TCERG1L: variants seen among roughly 807,000 people sequenced by gnomAD.
TCERG1L encodes the protein transcription elongation regulator 1-like protein.
Under a neutral mutation model 56.3 loss-of-function variants are expected in TCERG1L, and 37 were observed. The ratio of observed to expected loss-of-function variants is 0.66; its 90% confidence interval spans 0.51 to 0.87. The LOEUF is 0.87. TCERG1L is among the 40% of genes least tolerant of loss of function. The pLI, the probability that TCERG1L is intolerant of heterozygous loss-of-function variation, is 0.00. For synonymous variants in TCERG1L, 324 were observed against 326.3 expected (o/e 0.99, Z 0.08); for missense variants, 799 against 774.2 (o/e 1.03, Z -0.38).
chr10:131,100,731 T>A (rs1270158599), intron 10 of TCERG1L, among the ~76,000 whole-genome samples: 1 of 152,234 alleles, frequency 6.6e-6, no homozygotes, highest in Non-Finnish European at 1.5e-5. Context: ...GGGCCTTAGC[T>A]TTCCCCATGA....
chr10:131,201,232 C>T lies in TCERG1L; in HGVS notation c.857-34347G>A, dbSNP rs1191178731. ...GGAAAGTGAGCCCCCAAAACACATC[C>T]CACTAAACTCAAACTAAATGAAGCA... On this transcript the variant is annotated intron_variant, in intron 4 of 11. Transcript: ENST00000368642. Among the ~76,000 whole-genome samples, 3 of 152,164 alleles carry T rather than the reference C, an allele frequency of 2.0e-5. No homozygotes were observed. The East Asian group carries it at 5.8e-4, about 29-fold the overall frequency.
intron 4 of TCERG1L, among the ~76,000 whole-genome samples, chr10:131,246,204 G>A (rs1282031751): frequency 6.6e-6 from 1 of 152,224 alleles, no homozygotes; most frequent in Non-Finnish European, 1.5e-5. Flanking sequence ...CATGACAGTG[G>A]CAGAGGGGTG....
chr10:131,169,443 C>T (rs1035474051), intron 4 of TCERG1L, among the ~76,000 whole-genome samples: 5 of 152,316 alleles, frequency 3.3e-5, no homozygotes, highest in East Asian at 1.9e-4. Flanking sequence ...AAAGCAGGCC[C>T]AAGCGATGGG....
At chr10:131,204,864 T>C (rs540192370) in intron 4 of TCERG1L, among the ~76,000 whole-genome samples, 2 of 152,288 alleles carry the variant, frequency 1.3e-5, no homozygotes, top group South Asian at 4.1e-4. Context: ...AAGGGATCCT[T>C]GATGGAGGTT....
rs1327642358 is a variant in TCERG1L, at chr10:131,146,623, A to C, written c.1072T>G (p.Phe358Val). Residue 358 changes from phenylalanine to valine, a missense_variant, in exon 7 of 12, where the codon TTC (phenylalanine) becomes GTC (valine). Physicochemically the swap from Phe to Val is conservative, Grantham distance 50. Transcript: ENST00000368642. Reference protein sequence around the residue: ...VWTGDDRVFFFNPTMHLSVWE... With the variant: ...VWTGDDRVFFVNPTMHLSVWE... ...ACAGACAGGTGCATCGTTGGGTTGA[A>C]GAAGAAAACTCGGTCATCGCCCGTC... 6.2e-7 allele frequency: 1 copy of C among 1,613,766 alleles called. No individual in the cohort carries two copies. The highest frequency in any genetic ancestry group is 1.7e-5 in the Admixed American group (1 of 60,002).
intron 8 of TCERG1L, among the ~76,000 whole-genome samples, chr10:131,119,814 C>A (rs536222888): frequency 6.6e-6 from 1 of 152,338 alleles, no homozygotes; most frequent in South Asian, 2.1e-4. Flanking sequence ...CGAGGACACA[C>A]TAATTGGTGT....
intron 2 of TCERG1L, 118 bp from the exon 3 acceptor site, chr10:131,308,509 G>A: frequency 1.2e-6 from 1 of 817,788 alleles, no homozygotes; most frequent in Admixed American, 2.7e-5. Context: ...TTCTATTATT[G>A]GGGACTCTAT....
intron 4 of TCERG1L, among the ~76,000 whole-genome samples, chr10:131,177,127 GAT>G (rs1846170855): frequency 6.7e-6 from 1 of 148,262 alleles, no homozygotes; most frequent in African/African-American, 2.5e-5. Flanking sequence ...TACACACAGA[GAT>G]ATGCACACAC....
At position 131,103,010 on chromosome 10, in the gene TCERG1L, C is replaced by T. The variant is rs1845318578; in HGVS notation, c.1485+1255G>A. Among the ~76,000 whole-genome samples, 1 of 151,948 alleles carries T rather than the reference C, an allele frequency of 6.6e-6. No homozygotes were observed. The highest frequency in any genetic ancestry group is 2.4e-5 in the African/African-American group (1 of 41,368). On this transcript the variant is annotated intron_variant, in intron 10 of 11. Transcript: ENST00000368642. This position sits in a 1 kb window ranked among gnomAD's most constrained non-coding sequence, Gnocchi z 4.3. ...CCTTAAAATAGTCCCCGGAGAACCC[C>T]CTCTAATCAATTCCGTGTTTTCTGG... is the stretch of plus-strand genomic sequence containing the variant.
At chr10:131,144,485 A>G (rs12248903) in intron 7 of TCERG1L, among the ~76,000 whole-genome samples, 7,160 of 151,982 alleles carry the variant, frequency 0.047, 231 homozygotes, top group South Asian at 0.19. Context: ...CTCTGAGTGC[A>G]TTTTCGGGAA....
intron 4 of TCERG1L, among the ~76,000 whole-genome samples, chr10:131,168,386 G>A (rs944252718): frequency 2.0e-5 from 3 of 152,292 alleles, no homozygotes; most frequent in East Asian, 3.9e-4. Flanking sequence ...CATGTCCTCC[G>A]TGGGCATTGG....
At chr10:131,152,715 C>G (rs1037780209) in intron 6 of TCERG1L, among the ~76,000 whole-genome samples, 1 of 152,160 alleles carries the variant, frequency 6.6e-6, no homozygotes, top group Non-Finnish European at 1.5e-5. Context: ...TCTCACATAG[C>G]TATAAGGAAA....
rs1366498168 is a variant in TCERG1L, at chr10:131,166,829, G to C, written c.913C>G (p.Gln305Glu). 1 of 1,613,826 alleles carries C rather than the reference G, an allele frequency of 6.2e-7. No individual in the cohort carries two copies. The highest frequency in any genetic ancestry group is 1.1e-5 in the South Asian group (1 of 91,084). Residue 305 changes from glutamine (Q) to glutamate (E), a missense_variant, in exon 5 of 12, where the codon CAG becomes GAG. Transcript: ENST00000368642. ...ARPPALMLRA[Q>E]KSRDGDKEDK... is the part of the protein sequence containing the mutation. The stretch of plus-strand genomic sequence containing the variant: ...TCTTTGTCTCCATCCCGGCTCTTCT[G>C]GGCCCGCAGCATCAGGGCAGGAGGG...
At chr10:131,210,449 C>A (rs1447013022) in intron 4 of TCERG1L, among the ~76,000 whole-genome samples, 2 of 152,224 alleles carry the variant, frequency 1.3e-5, no homozygotes, top group Non-Finnish European at 2.9e-5. Context: ...TCCAAAGACC[C>A]TCTGGCAGGG....
chr10:131,146,368 C>A, intron 7 of TCERG1L, 138 bp downstream of exon 7: 3 of 989,178 alleles, frequency 3.0e-6, no homozygotes, highest in South Asian at 2.9e-5. Flanking sequence ...GATTACTAAA[C>A]TCTGCAATCG....
chr10:131,176,090 G>A (rs1241502601), intron 4 of TCERG1L, among the ~76,000 whole-genome samples: 2 of 152,198 alleles, frequency 1.3e-5, no homozygotes, highest in African/African-American at 2.4e-5. Flanking sequence ...CCGGGTGCTA[G>A]AGCAAGCACC....
chr10:131,106,445 G>T (rs552208951), intron 9 of TCERG1L, among the ~76,000 whole-genome samples: 3 of 152,290 alleles, frequency 2.0e-5, no homozygotes, highest in African/African-American at 7.2e-5. Flanking sequence ...GCCTTGGGGG[G>T]TATTCCAGGA....
intron 3 of TCERG1L, among the ~76,000 whole-genome samples, chr10:131,286,118 G>A (rs922967104): frequency 1.3e-5 from 2 of 152,112 alleles, no homozygotes; most frequent in African/African-American, 4.8e-5. Flanking sequence ...ACATTAACAC[G>A]TCCGTGGCTC....
At position 131,118,727 on chromosome 10, in the gene TCERG1L, T is replaced by G. The variant is rs983646136; in HGVS notation, c.1260-1793A>C. ...CAAATCCTGCTTTTCCATGCCAAAT[T>G]TGGAATTGAGCCTGGTCTCTTTTCC... On this transcript the variant is annotated intron_variant, in intron 8 of 11. Coordinates refer to ENST00000368642, the MANE Select transcript of TCERG1L (RefSeq NM_174937.4). The surrounding 1 kb of genome is among the most constrained non-coding windows in gnomAD (Gnocchi z 4.2). 1.3e-5 allele frequency among the ~76,000 whole-genome samples: 2 copies of G among 152,196 alleles called. No homozygotes were observed. The highest frequency in any genetic ancestry group is 2.9e-5 in the Non-Finnish European group (2 of 68,030).
Sources: allele counts gnomAD v4.1 joint callset (sites outside exome capture counted in the v4.1 genomes callset), GRCh38; gene constraint gnomAD v4.1.1; non-coding constraint Gnocchi (gnomAD v3.1); transcripts MANE v1.5; gene names NCBI Gene and HGNC (gene_info 2026-07-23, HGNC 2026-07-21).